DMD: variants seen among roughly 807,000 people sequenced by gnomAD.
DMD encodes dystrophin.
DMD carries 63 observed loss-of-function variants against 330.1 expected under a neutral mutation model. That is an observed-to-expected ratio of 0.19 (90% CI 0.16 to 0.24). The LOEUF (loss-of-function observed/expected upper bound fraction) is 0.24, where lower values mean the gene tolerates loss of function less well. DMD is among the 10% of genes least tolerant of loss of function. The pLI, the probability that DMD is intolerant of heterozygous loss-of-function variation, is 1.00. For missense variants in DMD, 3,344 were observed against 2,684.1 expected (o/e 1.25, Z -5.43); for synonymous variants, 1,223 against 959.8 (o/e 1.27, Z -5.07).
intron 9 of DMD, among the ~76,000 whole-genome samples, chrX:32,677,203 A>G (rs1279014757): frequency 9.0e-6 from 1 of 110,998 alleles, no homozygotes; most frequent in Non-Finnish European, 1.9e-5. Flanking sequence ...CAAATAATTT[A>G]TTTTTTCAAA....
chrX:32,770,133 C>CA (rs1227021059), intron 7 of DMD, among the ~76,000 whole-genome samples: 1 of 111,715 alleles, frequency 9.0e-6, no homozygotes, highest in Non-Finnish European at 1.9e-5. Context: ...AAAAGGCAGG[C>CA]ATAGAAAGCC....
At chrX:31,741,069 C>A (rs746174233) in intron 51 of DMD, among the ~76,000 whole-genome samples, 1 of 112,008 alleles carries the variant, frequency 8.9e-6, no homozygotes, top group South Asian at 3.8e-4. Context: ...TAAGCAGCAA[C>A]TCTGGATCCG....
chrX:32,529,379 CTTTTTTTTTTTTTTTTTT>C (rs777955346), intron 17 of DMD, among the ~76,000 whole-genome samples: 9 of 31,036 alleles, frequency 2.9e-4, no homozygotes, highest in Admixed American at 4.3e-4. Flanking sequence ...CAAAAATCAA[CTTTTTTTTTTTTTTTTTT>C]TTTTTTTTTT....
chrX:32,977,229 G>A (rs146834514), intron 2 of DMD, among the ~76,000 whole-genome samples: 1,710 of 110,947 alleles, frequency 0.015, 41 homozygotes, highest in African/African-American at 0.053. Flanking sequence ...GAACCCAGGA[G>A]GCGGAGGTTG....
chrX:32,592,329 C>T (rs761579619), intron 13 of DMD, among the ~76,000 whole-genome samples: 65 of 110,643 alleles, frequency 5.9e-4, no homozygotes, highest in Non-Finnish European at 7.4e-4. Context: ...TCCTCCCTTC[C>T]GAGCCCATAA....
At chrX:32,723,358 C>G (rs1286132548) in intron 7 of DMD, among the ~76,000 whole-genome samples, 1 of 111,188 alleles carries the variant, frequency 9.0e-6, no homozygotes, top group East Asian at 2.8e-4. Flanking sequence ...TATATTCCTC[C>G]TAGATATTGG....
chrX:31,196,624 A>G (rs2042909821), intron 67 of DMD, among the ~76,000 whole-genome samples: 1 of 109,174 alleles, frequency 9.2e-6, no homozygotes, highest in Admixed American at 9.8e-5. Flanking sequence ...AGAGATTGAG[A>G]CCATCCTGGC....
chrX:32,653,473 T>A (rs776281441), intron 9 of DMD, among the ~76,000 whole-genome samples: 2 of 111,765 alleles, frequency 1.8e-5, no homozygotes, highest in Admixed American at 9.5e-5. Context: ...GTAGTAGATA[T>A]GTGGCATTAT....
Position 32,096,340 on chromosome X carries a change from C to T in DMD, c.6438+120576G>A, listed in dbSNP as rs148655926. Among the ~76,000 whole-genome samples, 634 of 111,315 alleles carry T rather than the reference C, an allele frequency of 5.7e-3. 5 individuals carry two copies. Among genetic ancestry groups the T allele is most frequent in the African/African-American group, 0.019 (596 of 30,613 alleles). On this transcript the variant is annotated intron_variant, in intron 44 of 78. Transcript: ENST00000357033. Reference sequence around the variant, plus strand: ...TGCAAGAAAATACAACTCTATGCTGCCTTGACATAGCTCTTCAAATAAACA... The same window carrying T: ...TGCAAGAAAATACAACTCTATGCTGTCTTGACATAGCTCTTCAAATAAACA...
At chrX:31,925,368 G>A (rs1479747451) in intron 47 of DMD, among the ~76,000 whole-genome samples, 1 of 110,717 alleles carries the variant, frequency 9.0e-6, no homozygotes, top group African/African-American at 3.3e-5. Context: ...GAATGATAAA[G>A]CATATTTTGG....
At chrX:31,929,777 T>G (rs1603615776) in intron 46 of DMD, 32 bp from the exon 47 acceptor site, 1 of 1,203,981 alleles carries the variant, frequency 8.3e-7, no homozygotes, top group East Asian at 3.0e-5. Flanking sequence ...ACGTTTAAAA[T>G]GAATTACAGC....
chrX:33,188,955 C>A (rs1569557892), intron 1 of DMD, among the ~76,000 whole-genome samples: 1 of 111,533 alleles, frequency 9.0e-6, no homozygotes, highest in Non-Finnish European at 1.9e-5. Flanking sequence ...GAAATCAGCC[C>A]TGATTATACC....
intron 2 of DMD, among the ~76,000 whole-genome samples, chrX:32,942,557 G>GAA (rs2090501820): frequency 9.3e-6 from 1 of 107,027 alleles, no homozygotes; most frequent in Non-Finnish European, 1.9e-5. Flanking sequence ...AACAAAAAAA[G>GAA]AAAAAAAAAG....
intron 60 of DMD, among the ~76,000 whole-genome samples, chrX:31,350,592 CGTGTGT>C (rs747001189): frequency 2.1e-3 from 182 of 85,320 alleles, no homozygotes; most frequent in Middle Eastern, 0.013. Flanking sequence ...AAATGTGGTA[CGTGTGT>C]GTGTGTGTGT....
intron 1 of DMD, among the ~76,000 whole-genome samples, chrX:33,167,999 T>A (rs1020642410): frequency 9.0e-6 from 1 of 111,269 alleles, no homozygotes; most frequent in Non-Finnish European, 1.9e-5. Context: ...AAAAGTAATT[T>A]GACAGGTAAA....
chrX:31,689,223 T>C (rs746499878), intron 52 of DMD, among the ~76,000 whole-genome samples: 1 of 112,204 alleles, frequency 8.9e-6, no homozygotes, highest in East Asian at 2.8e-4. Flanking sequence ...GAAAACCCCA[T>C]CGTCTCAGCC....
chrX:31,538,067 G>A (rs1321377895), intron 55 of DMD, among the ~76,000 whole-genome samples: 1 of 111,827 alleles, frequency 8.9e-6, no homozygotes, highest in South Asian at 3.7e-4. Flanking sequence ...GGTACCTGCC[G>A]TTGTCGCGTC....
intron 2 of DMD, among the ~76,000 whole-genome samples, chrX:32,896,776 T>C (rs949623216): frequency 3.2e-4 from 36 of 112,601 alleles, no homozygotes; most frequent in African/African-American, 9.7e-4. Context: ...TTAAGAAAAG[T>C]GTCTTTGCCA....
chrX:32,644,861 A>C (rs2059686168), intron 10 of DMD, 103 bp downstream of exon 10: 1 of 1,013,791 alleles, frequency 9.9e-7, no homozygotes, highest in Admixed American at 2.3e-5. Flanking sequence ...TAGTAACTAA[A>C]TTTCCAAAAT....
Sources: allele counts gnomAD v4.1 joint callset (sites outside exome capture counted in the v4.1 genomes callset), GRCh38; gene constraint gnomAD v4.1.1; transcripts MANE v1.5; gene names NCBI Gene and HGNC (gene_info 2026-07-23, HGNC 2026-07-21).